The following ATL1 variants were observed in gnomAD, a reference collection of about 807,000 sequenced individuals.
ATL1 encodes the protein atlastin GTPase 1, also known as atlastin-1.
ATL1 carries 31 observed loss-of-function variants against 75.5 expected under a neutral mutation model. The ratio of observed to expected loss-of-function variants is 0.41; its 90% CI spans 0.31 to 0.55. The LOEUF (loss-of-function observed/expected upper bound fraction) is 0.55. ATL1 is among the 20% of genes least tolerant of loss of function. The pLI is 0.27. For synonymous variants in ATL1, 226 were observed against 233.3 expected, an observed-to-expected ratio of 0.97 and a Z score of 0.28; for missense variants, 405 against 662.6, an observed-to-expected ratio of 0.61 and a Z score of 4.27.
chr14:50,619,346 A>G lies in ATL1; in HGVS notation c.863-1253A>G, dbSNP rs541394318. On this transcript the variant is annotated intron_variant, in intron 8 of 13. Transcript: ENST00000358385. ...AGTGCTGGGATTACAGGCGTAAGCC[A>G]CTGCACCCAGCCGTGTACAGCTAAT... 4.6e-5 allele frequency among the ~76,000 whole-genome samples: 7 copies of G among 152,310 alleles called. No homozygotes were observed. The South Asian group carries it at 8.3e-4, about 18-fold the overall frequency.
At chr14:50,629,770 A>G (rs1277929137) in intron 12 of ATL1, among the ~76,000 whole-genome samples, 3 of 152,136 alleles carry the variant, frequency 2.0e-5, no homozygotes, top group Admixed American at 6.5e-5. Context: ...GTTGAGGTCA[A>G]TGTCAAAACC....
At chr14:50,559,540 G>A (rs2038807987), upstream of ATL1, 1 of 152,090 alleles carries the variant, frequency 6.6e-6, no homozygotes, top group Non-Finnish European at 1.5e-5. Context: ...TTGGACTATA[G>A]GTCTGGACCT....
chr14:50,609,507 A>G (rs111697724), intron 6 of ATL1, among the ~76,000 whole-genome samples: 1 of 152,022 alleles, frequency 6.6e-6, no homozygotes, highest in Non-Finnish European at 1.5e-5. Flanking sequence ...GGGATATCAT[A>G]ATTCAACCAT....
At chr14:50,572,761 A>G (rs2038965846) in intron 1 of ATL1, among the ~76,000 whole-genome samples, 1 of 152,128 alleles carries the variant, frequency 6.6e-6, no homozygotes, top group Non-Finnish European at 1.5e-5. Flanking sequence ...GCTCTATCCT[A>G]TATATGTTGA....
intron 1 of ATL1, among the ~76,000 whole-genome samples, chr14:50,544,104 G>T (rs970805752): frequency 5.9e-5 from 9 of 152,198 alleles, no homozygotes; most frequent in East Asian, 5.8e-4. Flanking sequence ...ATTCACTAGG[G>T]TGTCTCTTAG....
intron 8 of ATL1, among the ~76,000 whole-genome samples, chr14:50,616,053 G>C (rs1246803419): frequency 6.6e-6 from 1 of 152,106 alleles, no homozygotes. Flanking sequence ...GAGTGCAGTG[G>C]TGCGATCCTA....
At chr14:50,560,539 CCTT>C (rs1215938757) in intron 1 of ATL1, 1 of 565,682 alleles carries the variant, frequency 1.8e-6, no homozygotes, top group Admixed American at 3.0e-5. Context: ...GCCTCCAGCT[CCTT>C]CTTCCCCACC....
intron 6 of ATL1, among the ~76,000 whole-genome samples, chr14:50,605,650 C>A (rs1244623319): frequency 6.6e-6 from 1 of 151,812 alleles, no homozygotes; most frequent in African/African-American, 2.4e-5. Flanking sequence ...ATTTTTCTTG[C>A]CCCCTAAAGG....
Position 50,632,236 on chromosome 14 carries a change from A to G in ATL1, c.1574A>G (p.Tyr525Cys), listed in dbSNP as rs1049367585. The change falls in exon 14 of 14, where the codon TAC (tyrosine) becomes TGC (cysteine). Residue 525 changes from tyrosine (Y) to cysteine (C), a missense_variant. Around this residue, in one of 5 missense-constraint regions of ATL1, gnomAD observed 163 missense variants for 244.1 expected, o/e 0.67. Transcript: ENST00000358385. ...TTGATGCTTTTATTCTAGGCTTTGT[A>G]CAAGCTTTACAGTGCAGCAGCAACC... ...WDQGSTNEAL[Y>C]KLYSAAATHR... The G allele has an allele frequency of 1.9e-5, 30 of 1,611,136 alleles. No individual in the cohort carries two copies. The highest frequency in any genetic ancestry group is 6.7e-5 in the Admixed American group (4 of 59,926).
intron 1 of ATL1, among the ~76,000 whole-genome samples, chr14:50,584,966 C>T (rs1482950022): frequency 6.6e-6 from 1 of 151,938 alleles, no homozygotes; most frequent in Admixed American, 6.6e-5. Context: ...GGATAGCATT[C>T]AAAATACATA....
rs1183622934 is a variant in ATL1 at position 50,597,112 on chromosome 14, A to T, written c.630+1480A>T. Among the ~76,000 whole-genome samples, 3 of 151,490 alleles carry T rather than the reference A, an allele frequency of 2.0e-5. No homozygotes were observed. The East Asian group carries it at 5.8e-4, about 29-fold the overall frequency. On this transcript the variant is annotated intron_variant, in intron 6 of 13. Coordinates refer to ENST00000358385, the MANE Select transcript of ATL1 (RefSeq NM_015915.5). ...GTAATTCCAGCTACTCCGGAGGCTG[A>T]GACAGGAGAATCACTTGAACCTGGG...
chr14:50,613,198 A>T, intron 6 of ATL1, 61 bp from the exon 7 acceptor site: 1 of 1,209,122 alleles, frequency 8.3e-7, no homozygotes, highest in Non-Finnish European at 1.2e-6. Flanking sequence ...ACTGGTTTCC[A>T]TATAAAGCAA....
chr14:50,575,428 T>C (rs2038997137), intron 1 of ATL1, among the ~76,000 whole-genome samples: 1 of 152,170 alleles, frequency 6.6e-6, no homozygotes. Context: ...TAATCCCATA[T>C]CTCTACTGTT....
chr14:50,537,183 C>G (rs1054176848), intron 1 of ATL1, among the ~76,000 whole-genome samples: 4 of 152,166 alleles, frequency 2.6e-5, no homozygotes, highest in African/African-American at 9.7e-5. Flanking sequence ...TCCAGCTGCT[C>G]CAGCTGCAGC....
At chr14:50,596,087 T>G (rs975662815) in intron 6 of ATL1, among the ~76,000 whole-genome samples, 2 of 152,162 alleles carry the variant, frequency 1.3e-5, no homozygotes, top group Non-Finnish European at 2.9e-5. Flanking sequence ...GGAAAACAAG[T>G]GTCTATATTT....
chr14:50,597,302 G>A (rs2039229839), intron 6 of ATL1, among the ~76,000 whole-genome samples: 1 of 150,948 alleles, frequency 6.6e-6, no homozygotes, highest in Non-Finnish European at 1.5e-5. Flanking sequence ...AAAGCTATAT[G>A]TCTCAGGATG....
intron 1 of ATL1, among the ~76,000 whole-genome samples, chr14:50,538,282 T>C (rs1343456873): frequency 6.6e-6 from 1 of 152,218 alleles, no homozygotes; most frequent in Non-Finnish European, 1.5e-5. Context: ...ATTGTGAGGC[T>C]TTCCCTGCCA....
chr14:50,558,393 C>A (rs995883772), upstream of ATL1, among the ~76,000 whole-genome samples: 3 of 152,094 alleles, frequency 2.0e-5, no homozygotes, highest in Admixed American at 1.3e-4. Context: ...GATTTTAAAG[C>A]CTCCATTTAA....
intron 1 of ATL1, among the ~76,000 whole-genome samples, chr14:50,562,633 A>G (rs957393766): frequency 6.6e-6 from 1 of 150,966 alleles, no homozygotes; most frequent in African/African-American, 2.5e-5. Context: ...GTCATCAGGA[A>G]AGTTTCAACT....
Sources: allele counts gnomAD v4.1 joint callset (sites outside exome capture counted in the v4.1 genomes callset), GRCh38; gene constraint gnomAD v4.1.1; regional missense constraint gnomAD v4.1.1; transcripts MANE v1.5; gene names NCBI Gene and HGNC (gene_info 2026-07-23, HGNC 2026-07-21).